Variants in SLC38A4 observed in about 807,000 individuals in gnomAD.
SLC38A4 encodes solute carrier family 38 member 4.
Under a neutral mutation model 63.1 loss-of-function variants are expected in SLC38A4, and 20 were observed. The ratio of observed to expected loss-of-function variants is 0.32; its 90% CI spans 0.22 to 0.46. SLC38A4 has a LOEUF of 0.46. Ranked by LOEUF, SLC38A4 falls within the 20% of genes least tolerant of loss-of-function variation. The pLI is 1.00. For synonymous variants in SLC38A4, 230 were observed against 225.5 expected (o/e 1.02, Z -0.18); for missense variants, 526 against 663.6 (o/e 0.79, Z 2.28).
intron 13 of SLC38A4, among the ~76,000 whole-genome samples, chr12:46,775,755 A>G (rs1028009853): frequency 6.6e-6 from 1 of 151,994 alleles, no homozygotes; most frequent in Admixed American, 6.6e-5. Context: ...AAATTAGTAT[A>G]ATTTTTAGAT....
At chr12:46,769,784 T>C (rs1337684857) in intron 14 of SLC38A4, among the ~76,000 whole-genome samples, 2 of 152,082 alleles carry the variant, frequency 1.3e-5, no homozygotes, top group Non-Finnish European at 2.9e-5. Context: ...CACTATTCAG[T>C]ACAGTAACAT....
At chr12:46,790,948 ATGTT>A (rs35774013) in intron 3 of SLC38A4, among the ~76,000 whole-genome samples, 17,659 of 152,140 alleles carry the variant, frequency 0.12, 1,669 homozygotes, top group African/African-American at 0.26. Flanking sequence ...ATGATGTCCT[ATGTT>A]TAAGCCAGGA....
At chr12:46,805,284 G>A (rs1432921198) in intron 1 of SLC38A4, among the ~76,000 whole-genome samples, 1 of 151,916 alleles carries the variant, frequency 6.6e-6, no homozygotes, top group African/African-American at 2.4e-5. Flanking sequence ...GTTTAATCAT[G>A]TTTCTTTTAA....
intron 15 of SLC38A4, among the ~76,000 whole-genome samples, chr12:46,768,833 G>T (rs1056460633): frequency 6.6e-6 from 1 of 152,154 alleles, no homozygotes; most frequent in African/African-American, 2.4e-5. Context: ...AAAATTAATA[G>T]ACCATGCAGT....
Position 46,779,865 on chromosome 12 carries a change from A to T in SLC38A4, c.576-3T>A. The T allele has an allele frequency of 6.2e-7, 1 of 1,611,804 alleles. No homozygotes were observed. The highest frequency in any genetic ancestry group is 1.1e-5 in the South Asian group (1 of 90,982). ...AGTTGCCATTGAGGTACCATTCTCT[A>T]GAAGTGAGAGACAAGGATATTAGAA... On this transcript the variant is annotated splice_polypyrimidine_tract_variant and splice_region_variant and intron_variant, in intron 8 of 16. Coordinates refer to ENST00000266579, the MANE Select transcript of SLC38A4 (RefSeq NM_018018.5).
chr12:46,772,584 T>C (rs1376181092), intron 14 of SLC38A4, among the ~76,000 whole-genome samples: 2 of 152,116 alleles, frequency 1.3e-5, no homozygotes, highest in African/African-American at 4.8e-5. Flanking sequence ...AATGTTGGGC[T>C]GCTAGTGAAA....
At chr12:46,830,864 A>G (rs1383524254), upstream of SLC38A4, among the ~76,000 whole-genome samples, 1 of 152,214 alleles carries the variant, frequency 6.6e-6, no homozygotes, top group Non-Finnish European at 1.5e-5. Flanking sequence ...GAAATAGACA[A>G]GCGCCAACCT....
intron 16 of SLC38A4, among the ~76,000 whole-genome samples, chr12:46,767,482 G>T (rs1278522699): frequency 6.6e-6 from 1 of 151,932 alleles, no homozygotes; most frequent in African/African-American, 2.4e-5. Context: ...TCACAAACAG[G>T]ACAAGTAATT....
intron 3 of SLC38A4, among the ~76,000 whole-genome samples, chr12:46,789,624 T>C (rs1437839838): frequency 2.0e-5 from 3 of 152,166 alleles, no homozygotes; most frequent in African/African-American, 7.2e-5. Flanking sequence ...ATTTTTATAC[T>C]GCAAAATGTC....
chr12:46,808,477 T>C (rs531796310), intron 1 of SLC38A4, among the ~76,000 whole-genome samples: 3 of 151,454 alleles, frequency 2.0e-5, no homozygotes, highest in Non-Finnish European at 4.4e-5. Context: ...CAGACCTAAA[T>C]AGAAAATTGC....
chr12:46,830,830 G>A (rs1939721862), upstream of SLC38A4, among the ~76,000 whole-genome samples: 1 of 152,208 alleles, frequency 6.6e-6, no homozygotes, highest in Non-Finnish European at 1.5e-5. Context: ...CCTGAGACAG[G>A]TAGAGATGCA....
chr12:46,806,436 G>C (rs1939233954), intron 1 of SLC38A4, among the ~76,000 whole-genome samples: 1 of 151,840 alleles, frequency 6.6e-6, no homozygotes, highest in South Asian at 2.1e-4. Flanking sequence ...TGGAGGTGGT[G>C]GTGGAGGTGG....
intron 14 of SLC38A4, among the ~76,000 whole-genome samples, chr12:46,773,181 G>A (rs928622580): frequency 6.6e-6 from 1 of 152,052 alleles, no homozygotes; most frequent in Non-Finnish European, 1.5e-5. Context: ...AGCTGAATTC[G>A]TAGCACATGT....
intron 2 of SLC38A4, among the ~76,000 whole-genome samples, chr12:46,795,301 T>A (rs1425296892): frequency 6.6e-6 from 1 of 152,120 alleles, no homozygotes; most frequent in Non-Finnish European, 1.5e-5. Flanking sequence ...TTTCATCTTG[T>A]TCTGTGAAAC....
chr12:46,832,024 G>T (rs190528047), intron 1 of SLC38A4, among the ~76,000 whole-genome samples: 3 of 150,382 alleles, frequency 2.0e-5, no homozygotes, highest in East Asian at 3.9e-4. Flanking sequence ...ACATGAGCCC[G>T]CCCAATCAGT....
intron 1 of SLC38A4, among the ~76,000 whole-genome samples, chr12:46,813,954 A>C (rs1427459943): frequency 6.6e-6 from 1 of 152,036 alleles, no homozygotes; most frequent in Non-Finnish European, 1.5e-5. Context: ...TTCAATACCT[A>C]ATATGATACC....
intron 1 of SLC38A4, among the ~76,000 whole-genome samples, chr12:46,811,706 C>T (rs957278290): frequency 1.3e-5 from 2 of 151,984 alleles, no homozygotes; most frequent in African/African-American, 4.8e-5. Flanking sequence ...ACAGTAAAAA[C>T]CACCTGGGTA....
chr12:46,781,209 A>G lies in SLC38A4; in HGVS notation c.494-1179T>C, dbSNP rs555441384. ...GAGATGTTAAGTTGACATGTCCACA[A>G]TCATACAGCTTGAAAAGGACGGACT... On this transcript the variant is annotated intron_variant, in intron 7 of 16. Coordinates refer to ENST00000266579, the MANE Select transcript of SLC38A4 (RefSeq NM_018018.5). 1.1e-4 allele frequency among the ~76,000 whole-genome samples: 17 copies of G among 152,162 alleles called. No homozygotes were observed. The East Asian group carries it at 3.3e-3, about 30-fold the overall frequency.
chr12:46,819,677 C>T (rs1211540817), intron 1 of SLC38A4, among the ~76,000 whole-genome samples: 1 of 151,732 alleles, frequency 6.6e-6, no homozygotes, highest in Admixed American at 6.6e-5. Context: ...TAAACTACAA[C>T]AGACAAGTAT....
Sources: gnomAD v4.1 joint callset for allele counts (sites outside exome capture counted in the v4.1 genomes callset) on GRCh38, gnomAD v4.1.1 for gene constraint, MANE v1.5 for transcripts, NCBI Gene and HGNC (gene_info 2026-07-23, HGNC 2026-07-21) for gene names.